Variants in MCPH1 observed in about 807,000 individuals in gnomAD.
MCPH1 encodes microcephalin 1.
MCPH1 carries 104 observed loss-of-function variants against 84.5 expected under a neutral mutation model. That is an observed-to-expected ratio of 1.23 (90% CI 1.05 to 1.45). The LOEUF is 1.45. Among genes scored for constraint, MCPH1 ranks in the 40% most tolerant of loss-of-function variants. The pLI is 0.00. For synonymous variants in MCPH1, 514 were observed against 366.8 expected, an observed-to-expected ratio of 1.40 and a Z score of -4.58; for missense variants, 1,498 against 1,005.7, an observed-to-expected ratio of 1.49 and a Z score of -6.62.
intron 12 of MCPH1, among the ~76,000 whole-genome samples, chr8:6,605,689 C>T (rs534173465): frequency 7.0e-6 from 1 of 143,554 alleles, no homozygotes; most frequent in East Asian, 1.9e-4. Flanking sequence ...GAATCACAGA[C>T]ATTATTTTTG....
intron 12 of MCPH1, chr8:6,615,947 A>G (rs1394494498): frequency 2.6e-5 from 4 of 152,158 alleles, no homozygotes. Context: ...TGAAATATTT[A>G]TTTAATACCT....
At chr8:6,562,404 T>C (rs1825667509) in intron 12 of MCPH1, among the ~76,000 whole-genome samples, 1 of 152,054 alleles carries the variant, frequency 6.6e-6, no homozygotes, top group Admixed American at 6.6e-5. Flanking sequence ...ACTTTAGAGA[T>C]TTTCTGTATT....
At position 6,419,813 on chromosome 8, in the gene MCPH1, C is replaced by G. The variant is rs148605648; in HGVS notation, c.233+4930C>G. Among the ~76,000 whole-genome samples, 1,040 of 152,182 alleles carry G rather than the reference C, an allele frequency of 6.8e-3. 11 individuals carry two copies. Among genetic ancestry groups the G allele is most frequent in the African/African-American group, 0.024 (988 of 41,512 alleles). On this transcript the variant is annotated intron_variant, in intron 3 of 13. Transcript: ENST00000344683. ...TGCACCCAGCTGATAATATTTGATT[C>G]AAGTTCAAGGGTTTTGTTATATTCT... is the stretch of plus-strand genomic sequence containing the variant.
In MCPH1 at chr8:6,647,424, G is replaced by A. The variant is rs1014719162; in HGVS notation, c.*4375G>A. The stretch of plus-strand genomic sequence containing the variant: ...TATGACCCAGCAATTTCACTCTCAG[G>A]TATATAACCAAAATACATGAAAACA... On this transcript the variant is annotated 3_prime_UTR_variant, in exon 14 of 14. Transcript: ENST00000344683. 1 of 152,062 alleles carries A rather than the reference G, an allele frequency of 6.6e-6. No homozygotes were observed. The highest frequency in any genetic ancestry group is 1.5e-5 in the Non-Finnish European group (1 of 68,022). 9.4% of individuals were successfully genotyped at this position (152,062 alleles called of 1,614,324 possible). A position where few individuals can be genotyped will look rare whatever the true frequency, so the allele number is the denominator to read the frequency against.
chr8:6,595,480 C>G (rs533589701), intron 12 of MCPH1, among the ~76,000 whole-genome samples: 283 of 152,314 alleles, frequency 1.9e-3, no homozygotes, highest in African/African-American at 6.2e-3. Flanking sequence ...TGGCCAGCTG[C>G]ATGCACAAGG....
chr8:6,583,245 G>T (rs760511531), intron 12 of MCPH1, among the ~76,000 whole-genome samples: 1 of 151,424 alleles, frequency 6.6e-6, no homozygotes, highest in Non-Finnish European at 1.5e-5. Context: ...CTTTATGCTT[G>T]ATTTTTTTTT....
chr8:6,513,774 C>G, intron 12 of MCPH1: 1 of 1,614,020 alleles, frequency 6.2e-7, no homozygotes. Context: ...AAGCACATAG[C>G]GTTGCTGATT....
chr8:6,506,079 T>C (rs1813672616), intron 12 of MCPH1, among the ~76,000 whole-genome samples: 1 of 150,714 alleles, frequency 6.6e-6, no homozygotes, highest in Non-Finnish European at 1.5e-5. Context: ...ATTGGTTTGT[T>C]ATTTCATCCA....
chr8:6,464,082 T>C (rs888831493), intron 9 of MCPH1, among the ~76,000 whole-genome samples: 60 of 152,234 alleles, frequency 3.9e-4, no homozygotes, highest in African/African-American at 4.8e-5. Flanking sequence ...TAAATATCCA[T>C]GTAAATCATT....
intron 2 of MCPH1, among the ~76,000 whole-genome samples, chr8:6,412,256 A>T (rs1798643848): frequency 6.6e-6 from 1 of 152,206 alleles, no homozygotes; most frequent in Non-Finnish European, 1.5e-5. Context: ...TGCATGTTGC[A>T]CATGCCTAAC....
chr8:6,545,744 T>C (rs1346187168), intron 12 of MCPH1, among the ~76,000 whole-genome samples: 3 of 152,224 alleles, frequency 2.0e-5, no homozygotes, highest in Admixed American at 6.5e-5. Context: ...TTTTGTTGGA[T>C]TTCAGTGGCT....
chr8:6,522,340 G>C (rs1330601899), intron 12 of MCPH1, among the ~76,000 whole-genome samples: 1 of 151,692 alleles, frequency 6.6e-6, no homozygotes, highest in Non-Finnish European at 1.5e-5. Context: ...GGGCGACAGA[G>C]CGAGACTCCG....
rs570686878 is a variant in MCPH1, at chr8:6,642,871, A to G, written c.2453-123A>G. 2.7e-4 allele frequency: 235 copies of G among 880,892 alleles called. 1 individual carries two copies. The African/African-American group carries it at 3.7e-3, about 14-fold the overall frequency. The allele number at this position is 880,892 out of a possible 1,614,324, so 54.6% of individuals were successfully genotyped here. A position where few individuals can be genotyped will look rare whatever the true frequency, so the allele number is the denominator to read the frequency against. ...GTGCTCTATGGACGTGGGGGGGCCT[A>G]TGGACAACACAGCTCTTGGCTATTT... On this transcript the variant is annotated intron_variant, in intron 13 of 13. Transcript: ENST00000344683.
chr8:6,626,092 T>C, intron 13 of MCPH1: 1 of 985,300 alleles, frequency 1.0e-6, no homozygotes, highest in Non-Finnish European at 1.2e-6. Context: ...GACCAACAAC[T>C]CCATATCTAT....
chr8:6,612,728 A>G (rs1273834243), intron 12 of MCPH1, among the ~76,000 whole-genome samples: 1 of 152,088 alleles, frequency 6.6e-6, no homozygotes, highest in African/African-American at 2.4e-5. Context: ...TGCTTTTGCT[A>G]TCTGCACTTT....
chr8:6,644,886 C>G lies in MCPH1; in HGVS notation c.*1837C>G, dbSNP rs781276381. ...GGCATTCTATAGAAAACCACAGAAA[C>G]TGGAAATAATGAAGGGTTGTCTCTT... On this transcript the variant is annotated 3_prime_UTR_variant, in exon 14 of 14. Transcript: ENST00000344683. 8.5e-5 allele frequency: 13 copies of G among 152,174 alleles called. No homozygotes were observed. The highest frequency in any genetic ancestry group is 1.8e-4 in the Non-Finnish European group (12 of 68,042). 9.4% of individuals were successfully genotyped at this position (152,174 alleles called of 1,614,324 possible). A position where few individuals can be genotyped will look rare whatever the true frequency, so the allele number is the denominator to read the frequency against.
intron 12 of MCPH1, among the ~76,000 whole-genome samples, chr8:6,523,185 G>T (rs1404850293): frequency 2.2e-4 from 34 of 152,114 alleles, no homozygotes; most frequent in Non-Finnish European, 7.4e-5. Context: ...TTTTAGTAGA[G>T]ATGGGCTTTT....
chr8:6,588,866 G>C (rs1174595404), intron 12 of MCPH1, among the ~76,000 whole-genome samples: 1 of 152,216 alleles, frequency 6.6e-6, no homozygotes, highest in African/African-American at 2.4e-5. Context: ...TGGAGGCCCA[G>C]TTCTCACAGA....
rs576491481 is a variant in MCPH1 at position 6,413,889 on chromosome 8, A to C, written c.115-876A>C. On this transcript the variant is annotated intron_variant, in intron 2 of 13. Coordinates refer to ENST00000344683, the MANE Select transcript of MCPH1 (RefSeq NM_024596.5). ...CCTGCCTCAGCCTCCCGAGTTGCTG[A>C]GACTACAGGCACGAACCTCCACGCT... 3.3e-4 allele frequency among the ~76,000 whole-genome samples: 50 copies of C among 151,866 alleles called. 1 individual carries two copies. Among genetic ancestry groups the C allele is most frequent in the African/African-American group, 1.0e-3 (43 of 41,412 alleles).
Sources: allele counts gnomAD v4.1 joint callset (sites outside exome capture counted in the v4.1 genomes callset), GRCh38; gene constraint gnomAD v4.1.1; transcripts MANE v1.5; gene names NCBI Gene and HGNC (gene_info 2026-07-23, HGNC 2026-07-21).